The following ARHGEF1 variants were observed in gnomAD, a reference collection of about 807,000 sequenced individuals.
ARHGEF1 encodes the protein 115 kDa guanine nucleotide exchange factor.
In ARHGEF1, 40 loss-of-function variants were observed where a neutral mutation model predicts 119.7. The ratio of observed to expected loss-of-function variants is 0.33; its 90% confidence interval spans 0.26 to 0.44. ARHGEF1 has a LOEUF of 0.44. Among genes scored for constraint, ARHGEF1 ranks in the 20% least tolerant of loss-of-function variants. The pLI, the probability that ARHGEF1 is intolerant of heterozygous loss-of-function variation, is 1.00. For missense variants in ARHGEF1, 976 were observed against 1,268.3 expected (o/e 0.77, Z 3.50); for synonymous variants, 494 against 521.0 (o/e 0.95, Z 0.71).
At position 41,888,121 on chromosome 19, in the gene ARHGEF1, C is replaced by A. The variant is rs1555845535; in HGVS notation, c.24+15C>A. Reference sequence around the variant, plus strand: ...CCCGAGGGGCGGTGAGTGGACAGAGCAAGGGGTGAGGCGACTCTGGGGCTG... The same window carrying A: ...CCCGAGGGGCGGTGAGTGGACAGAGAAAGGGGTGAGGCGACTCTGGGGCTG... On this transcript the variant is annotated intron_variant, in intron 2 of 28. Transcript: ENST00000354532. The surrounding 1 kb of genome is among the most constrained non-coding windows in gnomAD (Gnocchi z 5.1). 6.2e-7 allele frequency: 1 copy of A among 1,614,018 alleles called. No individual in the cohort carries two copies. The highest frequency in any genetic ancestry group is 1.7e-5 in the Admixed American group (1 of 60,002).
At chr19:41,907,601 C>T (rs1356171953), downstream of ARHGEF1, 1 of 596,688 alleles carries the variant, frequency 1.7e-6, no homozygotes, top group Non-Finnish European at 2.9e-6. Context: ...TGAACCGTTA[C>T]TCCCCAGGCA....
Position 41,894,250 on chromosome 19 carries a change from G to A in ARHGEF1, c.688G>A (p.Gly230Arg), listed in dbSNP as rs2123431450. The A allele has an allele frequency of 6.4e-7, 1 of 1,564,364 alleles. No homozygotes were observed. The highest frequency in any genetic ancestry group is 8.7e-7 in the Non-Finnish European group (1 of 1,152,624). The change falls in exon 9 of 29, where the codon GGG becomes AGG. Residue 230 changes from glycine (G) to arginine (R), a missense_variant. Around this residue, in one of 3 missense-constraint regions of ARHGEF1, gnomAD observed 519 missense variants for 580.9 expected, o/e 0.89. Transcript: ENST00000354532. ...CATTGGCCTGTACATGCGCCACCTT[G>A]GGGTGCGGACCAAGAGTGGAGACAA... ...NAIGLYMRHL[G>R]VRTKSGDKKS...
At chr19:41,920,104 A>ACG (rs2074831055), upstream of ARHGEF1, among the ~76,000 whole-genome samples, 2 of 108,862 alleles carry the variant, frequency 1.8e-5, no homozygotes, top group African/African-American at 7.0e-5. Flanking sequence ...ACAGACATAC[A>ACG]CTCACAGACA....
Position 41,892,537 on chromosome 19 carries a change from G to A in ARHGEF1, c.368-66G>A. ...GACGTGTGGCTGTTGGAGTCCAAGG[G>A]TGGGTGGGGACCGTGGTCCAAGCCA... On this transcript the variant is annotated intron_variant, in intron 6 of 28. Transcript: ENST00000354532. This position sits in a 1 kb window ranked among gnomAD's most constrained non-coding sequence, Gnocchi z 6.3. The A allele has an allele frequency of 6.4e-7, 1 of 1,569,708 alleles. No individual in the cohort carries two copies. The highest frequency in any genetic ancestry group is 8.7e-7 in the Non-Finnish European group (1 of 1,154,086).
Position 41,895,363 on chromosome 19 carries a change from G to T in ARHGEF1, c.892G>T (p.Ala298Ser), listed in dbSNP as rs1229461008. The T allele has an allele frequency of 1.9e-6, 3 of 1,609,988 alleles. No homozygotes were observed. The highest frequency in any genetic ancestry group is 1.7e-6 in the Non-Finnish European group (2 of 1,177,828). Residue 298 changes from alanine (A) to serine (S), a missense_variant, in exon 12 of 29, where the codon GCT (alanine) becomes TCT (serine). By Grantham distance (99) the Ala-to-Ser change is moderately conservative. Around this residue, in one of 3 missense-constraint regions of ARHGEF1, gnomAD observed 519 missense variants for 580.9 expected, o/e 0.89. Coordinates refer to ENST00000354532, the MANE Select transcript of ARHGEF1 (RefSeq NM_004706.4). ...TGTCTCCCCAGCCGAGAAGCCAGGTGCTACAGACCGGAAGGGAGGCGTGGG... is the reference window on the plus strand; with the variant it reads ...TGTCTCCCCAGCCGAGAAGCCAGGTTCTACAGACCGGAAGGGAGGCGTGGG... Reference protein sequence around the residue: ...KAEVDAEKPGATDRKGGVGMP... With the variant: ...KAEVDAEKPGSTDRKGGVGMP...
In ARHGEF1 at chr19:41,896,830, A is replaced by C. The variant is rs539464375; in HGVS notation, c.1121+348A>C. 2,461 of 127,616 alleles carry C rather than the reference A, an allele frequency of 0.019. 37 individuals carry two copies. In the African/African-American group the frequency reaches 0.22, roughly 11 times the overall value. 7.9% of individuals were successfully genotyped at this position (127,616 alleles called of 1,614,324 possible). ...TCCCCTCTCCTCTCTCACCTCCCCC[A>C]TCCTCTCTCACCTCCCCCCTCCTCT... On this transcript the variant is annotated intron_variant, in intron 13 of 28. Transcript: ENST00000354532.
intron 13 of ARHGEF1, chr19:41,898,018 C>T (rs943429082): frequency 3.8e-6 from 5 of 1,331,296 alleles, no homozygotes; most frequent in African/African-American, 1.5e-5. Flanking sequence ...GGGGCAGCCT[C>T]GGGGCTAAGG....
intron 12 of ARHGEF1, among the ~76,000 whole-genome samples, chr19:41,895,836 C>T (rs979454287): frequency 1.3e-5 from 2 of 152,156 alleles, no homozygotes; most frequent in Admixed American, 1.3e-4. Flanking sequence ...GTGGGGAGCC[C>T]GCCAGCCCCA....
At chr19:41,927,385 C>G (rs1555853361) in intron 1 of ARHGEF1, among the ~76,000 whole-genome samples, 2 of 152,234 alleles carry the variant, frequency 1.3e-5, no homozygotes, top group Non-Finnish European at 1.5e-5. Context: ...TACCAAATAT[C>G]CAGACCCCAG....
chr19:41,890,082 C>T (rs2074351850), intron 4 of ARHGEF1: 1 of 152,208 alleles, frequency 6.6e-6, no homozygotes, highest in African/African-American at 2.4e-5. Context: ...TGTGGGGAGC[C>T]GATCAGAGAT....
At chr19:41,893,072 G>T in intron 7 of ARHGEF1, 9 of 1,008,322 alleles carry the variant, frequency 8.9e-6, no homozygotes, top group Non-Finnish European at 1.3e-5. Flanking sequence ...TCTTGTCCAT[G>T]ATCTGGCACT....
intron 9 of ARHGEF1, 57 bp from the exon 10 acceptor site, chr19:41,894,394 T>A (rs1394912436): frequency 1.6e-5 from 25 of 1,522,368 alleles, no homozygotes; most frequent in Non-Finnish European, 2.1e-5. Flanking sequence ...CGTCAAATTC[T>A]GCTTTGTTGT....
rs1376745628 is a variant in ARHGEF1, at chr19:41,892,504, G to C, written c.368-99G>C. 30 of 1,580,688 alleles carry C rather than the reference G, an allele frequency of 1.9e-5. 1 individual carries two copies. In the South Asian group the frequency reaches 3.4e-4, roughly 18 times the overall value. On this transcript the variant is annotated intron_variant, in intron 6 of 28. Coordinates refer to ENST00000354532, the MANE Select transcript of ARHGEF1 (RefSeq NM_004706.4). The surrounding 1 kb of genome is among the most constrained non-coding windows in gnomAD (Gnocchi z 6.3). Reference sequence around the variant, plus strand: ...GATTCATTCATTCCTTCTTGGCAGCGGCCTCAGGACGTGTGGCTGTTGGAG... The same window carrying C: ...GATTCATTCATTCCTTCTTGGCAGCCGCCTCAGGACGTGTGGCTGTTGGAG...
downstream of ARHGEF1, chr19:41,909,030 C>A: frequency 8.4e-7 from 1 of 1,193,822 alleles, no homozygotes; most frequent in Non-Finnish European, 1.0e-6. The surrounding 1 kb of genome is among the most constrained non-coding windows in gnomAD (Gnocchi z 5.2). Flanking sequence ...CCACTGTGCC[C>A]CCAGCACCCC....
chr19:41,915,486 G>A (rs951456029), intron 18 of ARHGEF1, among the ~76,000 whole-genome samples: 12 of 151,476 alleles, frequency 7.9e-5, no homozygotes, highest in African/African-American at 2.4e-4. Flanking sequence ...GTGTCCCCAC[G>A]TCTCTGTGTC....
upstream of ARHGEF1, among the ~76,000 whole-genome samples, chr19:41,918,691 C>T (rs1824698640): frequency 6.7e-6 from 1 of 148,898 alleles, no homozygotes; most frequent in African/African-American, 2.5e-5. Context: ...ACACACACCA[C>T]ATATCCGCCA....
chr19:41,893,395 TGG>T (rs1235388355), intron 8 of ARHGEF1, 92 bp downstream of exon 8: 11 of 540,786 alleles, frequency 2.0e-5, no homozygotes, highest in East Asian at 2.3e-4. Context: ...AGGAGGAGGC[TGG>T]GGGGCCTGGA....
At chr19:41,907,632 T>A (rs2074723341), downstream of ARHGEF1, 2 of 503,292 alleles carry the variant, frequency 4.0e-6, no homozygotes, top group Non-Finnish European at 6.9e-6. Context: ...ACACTGGGTA[T>A]GAGGCGTCTC....
In ARHGEF1 at chr19:41,883,758, G is replaced by T. The variant is rs1397856644; in HGVS notation, c.-20+469G>T. ...AACAATAACAACAACGACGAGGGTC[G>T]CTGTGAAGCTGAAAGTTGCAGAGTG... is the stretch of plus-strand genomic sequence containing the variant. On this transcript the variant is annotated intron_variant, in intron 1 of 28. Transcript: ENST00000354532. The surrounding 1 kb of genome is among the most constrained non-coding windows in gnomAD (Gnocchi z 7.6). 1.3e-5 allele frequency among the ~76,000 whole-genome samples: 2 copies of T among 152,234 alleles called. No individual in the cohort carries two copies. The highest frequency in any genetic ancestry group is 2.4e-5 in the African/African-American group (1 of 41,456).
Sources: allele counts gnomAD v4.1 joint callset (sites outside exome capture counted in the v4.1 genomes callset), GRCh38; gene constraint gnomAD v4.1.1; regional missense constraint gnomAD v4.1.1; non-coding constraint Gnocchi (gnomAD v3.1); transcripts MANE v1.5; gene names NCBI Gene and HGNC (gene_info 2026-07-23, HGNC 2026-07-21).